Variants in MGAT4C observed in about 807,000 individuals in gnomAD.
The protein encoded by MGAT4C is MGAT4 family member C.
In MGAT4C, 19 loss-of-function variants were observed where a neutral mutation model predicts 40.1. The ratio of observed to expected loss-of-function variants is 0.47; its 90% CI spans 0.33 to 0.70. The LOEUF is 0.70. Among genes scored for constraint, MGAT4C ranks in the 30% least tolerant of loss-of-function variants. The pLI is 0.02. For synonymous variants in MGAT4C, 181 were observed against 187.1 expected, an observed-to-expected ratio of 0.97 and a Z score of 0.27; for missense variants, 491 against 563.2, an observed-to-expected ratio of 0.87 and a Z score of 1.30.
chr12:86,497,975 T>A (rs966189151), intron 2 of MGAT4C, among the ~76,000 whole-genome samples: 1 of 145,138 alleles, frequency 6.9e-6, no homozygotes, highest in Non-Finnish European at 1.5e-5. Flanking sequence ...AAATATATAT[T>A]ATATATATAA....
At chr12:86,509,735 A>C (rs1330760993) in intron 2 of MGAT4C, among the ~76,000 whole-genome samples, 3 of 151,874 alleles carry the variant, frequency 2.0e-5, no homozygotes, top group African/African-American at 4.8e-5. Flanking sequence ...CTTTTATTTC[A>C]TTGAGCAGTG....
chr12:86,458,547 C>A (rs1230226894), intron 2 of MGAT4C, among the ~76,000 whole-genome samples: 3 of 152,130 alleles, frequency 2.0e-5, no homozygotes, highest in Non-Finnish European at 2.9e-5. Flanking sequence ...ATGCTGGGTG[C>A]ACTATGTGTG....
intron 1 of MGAT4C, among the ~76,000 whole-genome samples, chr12:86,162,815 G>A (rs1593113820): frequency 6.6e-6 from 1 of 152,150 alleles, no homozygotes; most frequent in East Asian, 1.9e-4. Flanking sequence ...TAGTTTTAAT[G>A]GTTTTATCTA....
chr12:86,585,745 T>TA (rs71078913), intron 2 of MGAT4C, among the ~76,000 whole-genome samples: 7 of 149,334 alleles, frequency 4.7e-5, no homozygotes, highest in African/African-American at 9.8e-5. Flanking sequence ...ATTTTTTTTT[T>TA]AATTTTTCTT....
chr12:86,246,937 TGATGG>T (rs1952061386), intron 1 of MGAT4C, among the ~76,000 whole-genome samples: 1 of 152,202 alleles, frequency 6.6e-6, no homozygotes, highest in Non-Finnish European at 1.5e-5. Flanking sequence ...CCCTTTCATA[TGATGG>T]GACATCACAT....
intron 1 of MGAT4C, among the ~76,000 whole-genome samples, chr12:86,729,264 C>T (rs887815021): frequency 2.6e-5 from 4 of 151,970 alleles, no homozygotes; most frequent in African/African-American, 7.2e-5. Context: ...GATGGATACC[C>T]CAGTTACCCT....
intron 1 of MGAT4C, among the ~76,000 whole-genome samples, chr12:86,153,395 A>G (rs1256802891): frequency 6.6e-6 from 1 of 152,244 alleles, no homozygotes; most frequent in African/African-American, 2.4e-5. Flanking sequence ...CAAAATAGAC[A>G]TAGCATTGAA....
chr12:86,000,265 C>A (rs1887153621), intron 2 of MGAT4C, among the ~76,000 whole-genome samples: 1 of 151,598 alleles, frequency 6.6e-6, no homozygotes, highest in African/African-American at 2.4e-5. Context: ...AGGTAAAAAT[C>A]AATGAATAAG....
chr12:86,713,215 T>C (rs1565943051), intron 2 of MGAT4C, among the ~76,000 whole-genome samples: 1 of 152,100 alleles, frequency 6.6e-6, no homozygotes, highest in Non-Finnish European at 1.5e-5. Context: ...ACAGATGGTT[T>C]ACATGTTGTT....
chr12:86,486,609 A>G (rs957488164), intron 2 of MGAT4C, among the ~76,000 whole-genome samples: 1 of 152,172 alleles, frequency 6.6e-6, no homozygotes, highest in Non-Finnish European at 1.5e-5. Flanking sequence ...AAAGTTTTAG[A>G]CACCCACACA....
At chr12:86,110,306 A>ATAGTC (rs1555224783) in intron 1 of MGAT4C, among the ~76,000 whole-genome samples, 40 of 15,156 alleles carry the variant, frequency 2.6e-3, no homozygotes, top group Non-Finnish European at 3.2e-3. Context: ...CTCTCTATAT[A>ATAGTC]TATATATATA....
intron 1 of MGAT4C, among the ~76,000 whole-genome samples, chr12:86,135,524 T>C (rs1049039226): frequency 1.3e-5 from 2 of 152,128 alleles, no homozygotes; most frequent in Non-Finnish European, 2.9e-5. Context: ...TGAGGTTGTA[T>C]TACTTAAAAA....
At chr12:86,669,974 C>T (rs1487712742) in intron 2 of MGAT4C, among the ~76,000 whole-genome samples, 1 of 149,360 alleles carries the variant, frequency 6.7e-6, no homozygotes, top group Non-Finnish European at 1.5e-5. Flanking sequence ...TCTAGGGTGA[C>T]AACCCCTAAG....
At chr12:86,267,553 C>A (rs2136103650) in intron 4 of MGAT4C, among the ~76,000 whole-genome samples, 1 of 152,180 alleles carries the variant, frequency 6.6e-6, no homozygotes, top group East Asian at 1.9e-4. Flanking sequence ...TTTATTAAAT[C>A]TGTATAGTTC....
intron 1 of MGAT4C, among the ~76,000 whole-genome samples, chr12:86,749,891 G>T (rs1447040902): frequency 6.6e-6 from 1 of 151,706 alleles, no homozygotes; most frequent in African/African-American, 2.4e-5. Flanking sequence ...GATTTGCCTG[G>T]GTTGAATGGT....
At chr12:86,135,437 CA>C (rs369290950) in intron 1 of MGAT4C, among the ~76,000 whole-genome samples, 2 of 152,006 alleles carry the variant, frequency 1.3e-5, no homozygotes, top group African/African-American at 4.8e-5. Context: ...ATATGACTAT[CA>C]GGGGAGAGTA....
rs1383088652 is a variant in MGAT4C, at chr12:86,408,471, CTCTCTCTCTATA to C, written c.-120+26674_-120+26685del. On this transcript the variant is annotated intron_variant, in intron 3 of 7. Coordinates refer to the MGAT4C transcript ENST00000548651. Reference sequence around the variant, plus strand: ...AAACTCTCTCTCTCTCTCTCTCTCTCTCTCTCTCTATATATATATATATATATATATATATAT... The same window carrying C: ...AAACTCTCTCTCTCTCTCTCTCTCTCTATATATATATATATATATATATAT... Among the ~76,000 whole-genome samples the C allele has an allele frequency of 3.2e-4, 35 of 109,426 alleles. No homozygotes were observed. In the East Asian group the frequency reaches 7.9e-3, roughly 25 times the overall value. The allele number at this position is 109,426 out of a possible 152,430, so 71.8% of individuals were successfully genotyped here.
intron 1 of MGAT4C, among the ~76,000 whole-genome samples, chr12:86,115,685 T>C (rs1878296920): frequency 6.6e-6 from 1 of 152,034 alleles, no homozygotes; most frequent in Non-Finnish European, 1.5e-5. Context: ...ATAAATGAGA[T>C]GTCAAGAGTT....
At chr12:86,457,138 G>A (rs369658494) in intron 2 of MGAT4C, among the ~76,000 whole-genome samples, 1 of 151,958 alleles carries the variant, frequency 6.6e-6, no homozygotes, top group African/African-American at 2.4e-5. Flanking sequence ...ATTCAGACAA[G>A]ATTTATTTTA....
Sources: allele counts gnomAD v4.1 joint callset (sites outside exome capture counted in the v4.1 genomes callset), GRCh38; gene constraint gnomAD v4.1.1; transcripts MANE v1.5; gene names NCBI Gene and HGNC (gene_info 2026-07-23, HGNC 2026-07-21).